MGAT4C: variants seen among roughly 807,000 people sequenced by gnomAD.
The protein encoded by MGAT4C is MGAT4 family member C.
A neutral mutation model predicts 40.1 loss-of-function variants in MGAT4C; 19 were observed. That is an observed-to-expected ratio of 0.47 (90% CI 0.33 to 0.70). MGAT4C has a LOEUF of 0.70. Among genes scored for constraint, MGAT4C ranks in the 30% least tolerant of loss-of-function variants. The pLI is 0.02. For missense variants in MGAT4C, 491 were observed against 563.2 expected, an observed-to-expected ratio of 0.87 and a Z score of 1.30; for synonymous variants, 181 against 187.1, an observed-to-expected ratio of 0.97 and a Z score of 0.27.
chr12:86,777,191 T>G, intron 1 of MGAT4C, among the ~76,000 whole-genome samples: 1 of 152,338 alleles, frequency 6.6e-6, no homozygotes, highest in African/African-American at 2.4e-5. Flanking sequence ...TAGGTATTTA[T>G]ATTTCACAAC....
intron 2 of MGAT4C, among the ~76,000 whole-genome samples, chr12:86,006,623 TAGTTTTAGCACTTA>T (rs1887906940): frequency 6.6e-6 from 1 of 152,160 alleles, no homozygotes; most frequent in Non-Finnish European, 1.5e-5. Flanking sequence ...TCCAAGAGCC[TAGTTTTAGCACTTA>T]CCCTGTAGAG....
chr12:86,731,167 C>G (rs911707396), intron 1 of MGAT4C, among the ~76,000 whole-genome samples: 2 of 152,024 alleles, frequency 1.3e-5, no homozygotes, highest in Non-Finnish European at 2.9e-5. Flanking sequence ...TCACTTGTAA[C>G]TATTATATTC....
At chr12:86,189,854 GA>G (rs910374835) in intron 1 of MGAT4C, among the ~76,000 whole-genome samples, 2 of 151,980 alleles carry the variant, frequency 1.3e-5, no homozygotes, top group African/African-American at 4.8e-5. Flanking sequence ...GTTTCAGATA[GA>G]AAATACATTC....
intron 3 of MGAT4C, among the ~76,000 whole-genome samples, chr12:86,377,301 C>G (rs1214393624): frequency 6.6e-6 from 1 of 152,080 alleles, no homozygotes; most frequent in East Asian, 1.9e-4. Flanking sequence ...TCAGGTTATC[C>G]GCCCACCTCA....
chr12:86,359,067 A>G (rs568402272), intron 3 of MGAT4C, among the ~76,000 whole-genome samples: 2 of 152,238 alleles, frequency 1.3e-5, no homozygotes, highest in African/African-American at 2.4e-5. Context: ...AATTGACCAC[A>G]TAGTTGGAAG....
chr12:86,656,195 C>T (rs969405367), intron 2 of MGAT4C, among the ~76,000 whole-genome samples: 8 of 151,416 alleles, frequency 5.3e-5, no homozygotes, highest in African/African-American at 1.5e-4. Context: ...TTGATCTTTC[C>T]GTGGTAAATC....
At chr12:86,159,603 A>AT (rs1231810760) in intron 1 of MGAT4C, among the ~76,000 whole-genome samples, 2 of 151,178 alleles carry the variant, frequency 1.3e-5, no homozygotes, top group African/African-American at 2.4e-5. Flanking sequence ...GAATTGGTAT[A>AT]TTTTTTTTCT....
At chr12:86,181,109 G>C (rs1312929995) in intron 1 of MGAT4C, among the ~76,000 whole-genome samples, 1 of 152,112 alleles carries the variant, frequency 6.6e-6, no homozygotes, top group Non-Finnish European at 1.5e-5. Context: ...GATCGTATCA[G>C]TTAATCAGGT....
chr12:86,734,255 C>T (rs1950952929), intron 1 of MGAT4C, among the ~76,000 whole-genome samples: 1 of 151,992 alleles, frequency 6.6e-6, no homozygotes, highest in African/African-American at 2.4e-5. Flanking sequence ...CGAGACAAAG[C>T]ATGCCATGTT....
intron 1 of MGAT4C, among the ~76,000 whole-genome samples, chr12:86,119,208 T>A (rs1328838835): frequency 6.6e-6 from 1 of 152,086 alleles, no homozygotes; most frequent in Non-Finnish European, 1.5e-5. Context: ...CTTATTTTAA[T>A]TTTTATATCA....
intron 1 of MGAT4C, chr12:86,068,595 T>A (rs1200164255): frequency 2.6e-5 from 3 of 117,608 alleles, no homozygotes. Flanking sequence ...CATAGCATAT[T>A]TATATTATAT....
At chr12:86,718,916 C>T (rs1439630229) in intron 2 of MGAT4C, among the ~76,000 whole-genome samples, 2 of 151,980 alleles carry the variant, frequency 1.3e-5, no homozygotes, top group East Asian at 3.9e-4. Context: ...GTTTGGGGAC[C>T]ACTGCTCTAC....
At chr12:86,205,529 AT>A (rs1950218018) in intron 1 of MGAT4C, among the ~76,000 whole-genome samples, 1 of 151,804 alleles carries the variant, frequency 6.6e-6, no homozygotes, top group South Asian at 2.1e-4. Flanking sequence ...TAAAAGCAAT[AT>A]TTTTATTGTA....
At chr12:86,343,369 T>C (rs536593565) in intron 3 of MGAT4C, among the ~76,000 whole-genome samples, 38 of 152,210 alleles carry the variant, frequency 2.5e-4, no homozygotes, top group Admixed American at 1.3e-3. Flanking sequence ...GTTAGTAAGA[T>C]AGATAGGAGA....
intron 2 of MGAT4C, chr12:86,001,984 T>G: frequency 6.6e-6 from 1 of 152,264 alleles, no homozygotes; most frequent in African/African-American, 2.4e-5. Flanking sequence ...TCCTCTGAGA[T>G]CTCTTCCTTC....
intron 3 of MGAT4C, among the ~76,000 whole-genome samples, chr12:86,394,959 T>C (rs77130000): frequency 0.021 from 3,171 of 152,096 alleles, 91 homozygotes; most frequent in African/African-American, 0.072. Context: ...CTTGTATCAC[T>C]ATTTAAATAA....
At chr12:86,228,764 TTA>T (rs1317629876) in intron 1 of MGAT4C, among the ~76,000 whole-genome samples, 2 of 152,042 alleles carry the variant, frequency 1.3e-5, no homozygotes, top group Admixed American at 6.5e-5. Context: ...CAAGGAACAG[TTA>T]GATGTATGTC....
At chr12:86,067,458 C>G (rs768752602) in intron 1 of MGAT4C, among the ~76,000 whole-genome samples, 24 of 151,124 alleles carry the variant, frequency 1.6e-4, no homozygotes, top group Non-Finnish European at 2.8e-4. Flanking sequence ...AACACAAGAA[C>G]AGAAAACCAA....
chr12:86,428,213 T>G (rs1956967330), intron 3 of MGAT4C, among the ~76,000 whole-genome samples: 1 of 152,234 alleles, frequency 6.6e-6, no homozygotes, highest in African/African-American at 2.4e-5. Flanking sequence ...TGTTATTATC[T>G]CCATGCTAAA....
Sources: allele counts gnomAD v4.1 joint callset (sites outside exome capture counted in the v4.1 genomes callset), GRCh38; gene constraint gnomAD v4.1.1; transcripts MANE v1.5; gene names NCBI Gene and HGNC (gene_info 2026-07-23, HGNC 2026-07-21).